Variants in KMT2C observed in about 807,000 individuals in gnomAD.
KMT2C encodes lysine methyltransferase 2C, also known as histone-lysine N-methyltransferase 2C.
A neutral mutation model predicts 507.9 loss-of-function variants in KMT2C; 88 were observed. The observed-to-expected ratio is 0.17, with a 90% CI of 0.15 to 0.21. The LOEUF is 0.21. Ranked by LOEUF, KMT2C falls within the 10% of genes least tolerant of loss-of-function variation. The pLI is 1.00. For missense variants in KMT2C, 4,954 were observed against 5,957.8 expected (o/e 0.83, Z 5.55); for synonymous variants, 2,049 against 2,080.8 (o/e 0.98, Z 0.42).
chr7:152,401,408 C>T (rs112838097), intron 1 of KMT2C, among the ~76,000 whole-genome samples: 3 of 149,688 alleles, frequency 2.0e-5, no homozygotes, highest in African/African-American at 4.9e-5. Flanking sequence ...AAAGTCATAC[C>T]GGCCAGGTGC....
rs143468903 is a variant in KMT2C, at chr7:152,178,529, T to G, written c.7443-519A>C. Among the ~76,000 whole-genome samples, 248 of 152,290 alleles carry G rather than the reference T, an allele frequency of 1.6e-3. 3 individuals are homozygous for G. Among genetic ancestry groups the G allele is most frequent in the African/African-American group, 5.8e-3 (241 of 41,564 alleles). Reference sequence around the variant, plus strand: ...TAGAGAAAAGGACAAGTAGGCCTCATCTATAAAGATTAAGTAAATGTATAA... The same window carrying G: ...TAGAGAAAAGGACAAGTAGGCCTCAGCTATAAAGATTAAGTAAATGTATAA... On this transcript the variant is annotated intron_variant, in intron 37 of 58. Coordinates refer to ENST00000262189, the MANE Select transcript of KMT2C (RefSeq NM_170606.3).
intron 1 of KMT2C, among the ~76,000 whole-genome samples, chr7:152,386,337 C>A (rs1263891585): frequency 2.0e-5 from 3 of 152,400 alleles, no homozygotes; most frequent in Non-Finnish European, 4.4e-5. Context: ...TCATTATCAT[C>A]CCCCTTCCCA....
chr7:152,252,447 TAG>T (rs1588607775), intron 10 of KMT2C, 97 bp downstream of exon 10: 2 of 925,066 alleles, frequency 2.2e-6, no homozygotes, highest in Non-Finnish European at 3.3e-6. Context: ...ATGGAATTGC[TAG>T]AGTGATAAAA....
chr7:152,263,142 G>A lies in KMT2C; in HGVS notation c.1185-12C>T. The A allele has an allele frequency of 1.2e-6, 2 of 1,600,636 alleles. No homozygotes were observed. Among genetic ancestry groups the A allele is most frequent in the Non-Finnish European group, 1.7e-6 (2 of 1,172,938 alleles). On this transcript the variant is annotated splice_polypyrimidine_tract_variant and intron_variant, in intron 8 of 58. Transcript: ENST00000262189. The stretch of plus-strand genomic sequence containing the variant: ...CTTCTCCCGATTGTCTAAAAAATAA[G>A]ATAGCATTAATGATGCCTTATCTTT...
chr7:152,297,057 G>GAAAGAAAGAA (rs756980169), intron 6 of KMT2C, among the ~76,000 whole-genome samples: 196 of 90,636 alleles, frequency 2.2e-3, no homozygotes, highest in East Asian at 7.4e-3. Flanking sequence ...AAGAAAGACA[G>GAAAGAAAGAA]AGAGAGAGAG....
At chr7:152,409,415 T>C (rs2097657682) in intron 1 of KMT2C, among the ~76,000 whole-genome samples, 1 of 151,974 alleles carries the variant, frequency 6.6e-6, no homozygotes, top group Non-Finnish European at 1.5e-5. Context: ...AGAAGAAATA[T>C]GTTAAAATGC....
intron 25 of KMT2C, among the ~76,000 whole-genome samples, chr7:152,203,648 C>T (rs1283324222): frequency 1.3e-5 from 2 of 152,034 alleles, no homozygotes; most frequent in Non-Finnish European, 2.9e-5. Flanking sequence ...AGCAAAGAAA[C>T]AAGAACACAG....
chr7:152,149,465 CCA>C (rs2091429441), intron 51 of KMT2C, among the ~76,000 whole-genome samples: 1 of 152,114 alleles, frequency 6.6e-6, no homozygotes, highest in Non-Finnish European at 1.5e-5. Flanking sequence ...TATATTAAAA[CCA>C]GAAAAAGAAA....
chr7:152,255,854 C>G (rs1437752373), intron 9 of KMT2C, among the ~76,000 whole-genome samples: 1 of 152,066 alleles, frequency 6.6e-6, no homozygotes, highest in African/African-American at 2.4e-5. Flanking sequence ...CCAAATAGAT[C>G]AGAGATTTAA....
chr7:152,282,362 CTCAG>C (rs894938913), intron 6 of KMT2C, among the ~76,000 whole-genome samples: 1 of 151,816 alleles, frequency 6.6e-6, no homozygotes, highest in Non-Finnish European at 1.5e-5. Context: ...ATAAAATACT[CTCAG>C]TGTCAACCAA....
At position 152,194,439 on chromosome 7, in the gene KMT2C, C is replaced by T. The variant is rs2093903574; in HGVS notation, c.4507+1G>A. 6.2e-7 allele frequency: 1 copy of T among 1,613,072 alleles called. No homozygotes were observed. The highest frequency in any genetic ancestry group is 1.7e-5 in the Admixed American group (1 of 59,938). ...GCCTAGATGTAGGGCAAATATTTTA[C>T]CATCTGTGACCATTTTGTCTAGTTC... On this transcript the variant is annotated splice_donor_variant, in intron 29 of 58. Coordinates refer to ENST00000262189, the MANE Select transcript of KMT2C (RefSeq NM_170606.3). LOFTEE classifies it high-confidence loss of function.
At chr7:152,330,514 A>G (rs2096872763) in intron 3 of KMT2C, 87 bp downstream of exon 3, 6 of 1,312,344 alleles carry the variant, frequency 4.6e-6, no homozygotes, top group Non-Finnish European at 6.5e-6. Flanking sequence ...TTCATCCTAA[A>G]CTCATACTCC....
chr7:152,427,038 CAG>C (rs2097826043), intron 1 of KMT2C, among the ~76,000 whole-genome samples: 2 of 151,456 alleles, frequency 1.3e-5, no homozygotes, highest in South Asian at 4.2e-4. Context: ...GTTTTTGAGA[CAG>C]AGTCTCACTC....
intron 44 of KMT2C, 108 bp from the exon 45 acceptor site, chr7:152,156,454 A>T: frequency 7.3e-7 from 1 of 1,374,078 alleles, no homozygotes; most frequent in Non-Finnish European, 9.8e-7. Context: ...AGGCTACAGA[A>T]ATGTAATCAA....
At chr7:152,160,644 T>A (rs964051093) in intron 43 of KMT2C, among the ~76,000 whole-genome samples, 1 of 146,784 alleles carries the variant, frequency 6.8e-6, no homozygotes, top group African/African-American at 2.5e-5. Flanking sequence ...TTTATATTTA[T>A]ATATATATTT....
At chr7:152,244,813 T>C (rs1352237796) in intron 14 of KMT2C, among the ~76,000 whole-genome samples, 1 of 152,206 alleles carries the variant, frequency 6.6e-6, no homozygotes, top group Non-Finnish European at 1.5e-5. Flanking sequence ...AGGTTCTAAA[T>C]CATACATTTG....
chr7:152,141,489 C>T (rs2090533722), intron 55 of KMT2C, among the ~76,000 whole-genome samples: 1 of 148,050 alleles, frequency 6.8e-6, no homozygotes, highest in South Asian at 2.1e-4. Flanking sequence ...GTGGGCGGGT[C>T]ACAAGGTCAG....
At chr7:152,286,727 G>A (rs927429696) in intron 6 of KMT2C, among the ~76,000 whole-genome samples, 4 of 152,082 alleles carry the variant, frequency 2.6e-5, no homozygotes, top group Non-Finnish European at 4.4e-5. Flanking sequence ...AGAGAGGGCA[G>A]ACCAATTAGG....
intron 7 of KMT2C, among the ~76,000 whole-genome samples, chr7:152,266,661 C>T (rs1469939556): frequency 1.1e-4 from 16 of 152,294 alleles, no homozygotes; most frequent in African/African-American, 3.1e-4. Flanking sequence ...TTATTTGTAC[C>T]GGAGTCTGCA....
Sources: allele counts gnomAD v4.1 joint callset (sites outside exome capture counted in the v4.1 genomes callset), GRCh38; gene constraint gnomAD v4.1.1; transcripts MANE v1.5; gene names NCBI Gene and HGNC (gene_info 2026-07-23, HGNC 2026-07-21).